The following ANK2 variants were observed in gnomAD, a reference collection of about 807,000 sequenced individuals.
The protein encoded by ANK2 is ankyrin 2.
In ANK2, 83 loss-of-function variants were observed where a neutral mutation model predicts 360.5. The observed-to-expected ratio is 0.23, with a 90% CI of 0.19 to 0.28. The LOEUF is 0.28. Ranked by LOEUF, ANK2 falls within the 10% of genes least tolerant of loss-of-function variation. The pLI, the probability that ANK2 is intolerant of heterozygous loss-of-function variation, is 1.00. For missense variants in ANK2, 4,201 were observed against 4,795.7 expected, an observed-to-expected ratio of 0.88 and a Z score of 3.66; for synonymous variants, 1,740 against 1,759.5, an observed-to-expected ratio of 0.99 and a Z score of 0.28.
chr4:113,007,253 T>A (rs2154290299), intron 2 of ANK2, among the ~76,000 whole-genome samples: 1 of 152,332 alleles, frequency 6.6e-6, no homozygotes, highest in Non-Finnish European at 1.5e-5. Context: ...ACCTTCATCT[T>A]GTCCTCTGGG....
chr4:112,988,708 T>C (rs1461529613), intron 2 of ANK2, among the ~76,000 whole-genome samples: 5 of 152,226 alleles, frequency 3.3e-5, no homozygotes, highest in Admixed American at 3.3e-4. Context: ...CTTATAACCT[T>C]CTTTTACTTA....
At chr4:112,845,396 G>A (rs1375725449) in intron 1 of ANK2, among the ~76,000 whole-genome samples, 1 of 151,908 alleles carries the variant, frequency 6.6e-6, no homozygotes, top group East Asian at 1.9e-4. Flanking sequence ...AAACAACAGG[G>A]ACAAAGTTAG....
At chr4:113,197,474 G>C (rs149036798) in intron 3 of ANK2, among the ~76,000 whole-genome samples, 68 of 152,330 alleles carry the variant, frequency 4.5e-4, no homozygotes, top group Admixed American at 2.1e-3. Context: ...TCAGAGCCAA[G>C]TCTGCTGACC....
chr4:112,950,965 C>A (rs933006990), intron 2 of ANK2, among the ~76,000 whole-genome samples: 3 of 149,734 alleles, frequency 2.0e-5, no homozygotes, highest in Non-Finnish European at 4.5e-5. Flanking sequence ...GCCTGTAGTC[C>A]CAGCTACTTG....
intron 1 of ANK2, chr4:113,145,898 C>T: frequency 7.8e-7 from 1 of 1,289,780 alleles, no homozygotes; most frequent in Non-Finnish European, 1.0e-6. Context: ...GCTCTTCTTG[C>T]CATGCGGATA....
intron 1 of ANK2, among the ~76,000 whole-genome samples, chr4:113,050,557 A>G (rs978491483): frequency 2.0e-5 from 3 of 152,154 alleles, no homozygotes; most frequent in Admixed American, 1.3e-4. Flanking sequence ...GCCCCACCCA[A>G]TGCCAGCACT....
At chr4:113,323,388 G>C (rs1462823855) in intron 26 of ANK2, among the ~76,000 whole-genome samples, 1 of 152,060 alleles carries the variant, frequency 6.6e-6, no homozygotes, top group Non-Finnish European at 1.5e-5. Context: ...AGTATTAAAT[G>C]TATAAAACAA....
At chr4:112,876,073 T>TC (rs1037000619) in intron 1 of ANK2, among the ~76,000 whole-genome samples, 3 of 152,100 alleles carry the variant, frequency 2.0e-5, no homozygotes, top group African/African-American at 7.2e-5. Context: ...ATTTTTTTTT[T>TC]CAATAGAACA....
rs918555818 is a variant in ANK2 at position 113,250,759 on chromosome 4, C to T, written c.990+897C>T. 1.5e-5 allele frequency among the ~76,000 whole-genome samples: 2 copies of T among 134,620 alleles called. 1 individual carries two copies. The highest frequency in any genetic ancestry group is 1.5e-4 in the Admixed American group (2 of 13,444). The allele number at this position is 134,620 out of a possible 152,430, so 88.3% of individuals were successfully genotyped here. A position where few individuals can be genotyped will look rare whatever the true frequency, so the allele number is the denominator to read the frequency against. ...TCCATTCCACCTCATACCACCGCCCCCCCCCCCGACAGAGTTGGTATCAAC... is the reference window on the plus strand; with the variant it reads ...TCCATTCCACCTCATACCACCGCCCTCCCCCCCGACAGAGTTGGTATCAAC... On this transcript the variant is annotated intron_variant, in intron 10 of 45. Coordinates refer to ENST00000357077, the MANE Select transcript of ANK2 (RefSeq NM_001148.6).
intron 27 of ANK2, among the ~76,000 whole-genome samples, chr4:113,331,700 AT>A (rs1027507108): frequency 3.9e-5 from 6 of 152,114 alleles, no homozygotes; most frequent in African/African-American, 9.6e-5. Flanking sequence ...CTTGTGGAGC[AT>A]TTTTTCCCCC....
At chr4:112,818,130 A>G (rs539269386) in exon 1 of ANK2, 5 of 152,232 alleles carry the variant, frequency 3.3e-5, no homozygotes, top group African/African-American at 1.2e-4. Flanking sequence ...CTGTAATGGG[A>G]AAGTCGGTTC....
the ANK2 span, among the ~76,000 whole-genome samples, chr4:112,736,000 A>G: frequency 6.6e-6 from 1 of 152,140 alleles, no homozygotes; most frequent in African/African-American, 2.4e-5. Context: ...GGTAGACTAT[A>G]ATTTACATAG....
chr4:113,238,498 C>A (rs199575991), intron 7 of ANK2, among the ~76,000 whole-genome samples: 79 of 152,250 alleles, frequency 5.2e-4, no homozygotes, highest in Non-Finnish European at 8.4e-4. Context: ...TTGCATGGAA[C>A]CTAGGTCAGA....
At chr4:112,754,890 A>T in the ANK2 span, among the ~76,000 whole-genome samples, 1 of 152,162 alleles carries the variant, frequency 6.6e-6, no homozygotes, top group Non-Finnish European at 1.5e-5. Context: ...GGTCACCCCT[A>T]GAAATAGAGA....
At chr4:113,166,444 T>C (rs1396497898) in intron 1 of ANK2, among the ~76,000 whole-genome samples, 1 of 152,036 alleles carries the variant, frequency 6.6e-6, no homozygotes, top group Non-Finnish European at 1.5e-5. Context: ...TATGTATATA[T>C]GTATATATAT....
At chr4:113,098,682 TATG>T (rs2092178220) in intron 1 of ANK2, among the ~76,000 whole-genome samples, 1 of 152,022 alleles carries the variant, frequency 6.6e-6, no homozygotes, top group Non-Finnish European at 1.5e-5. Flanking sequence ...TAGTTAATCC[TATG>T]AGGCTGGTAT....
At chr4:113,250,449 C>T (rs29436) in intron 10 of ANK2, among the ~76,000 whole-genome samples, 102,904 of 151,998 alleles carry the variant, frequency 0.68, 35,328 homozygotes, top group South Asian at 0.77. Context: ...TTTTTCCTCC[C>T]GTTTTATCAA....
chr4:113,045,901 A>G (rs1387488945), upstream of ANK2, among the ~76,000 whole-genome samples: 2 of 152,228 alleles, frequency 1.3e-5, no homozygotes, highest in African/African-American at 4.8e-5. Flanking sequence ...ACTCATAGTA[A>G]GTACTGAAAA....
Position 113,063,569 on chromosome 4 carries a change from T to TA in ANK2, c.84+13758dup, listed in dbSNP as rs762307634. On this transcript the variant is annotated intron_variant, in intron 1 of 45. Coordinates refer to ENST00000357077, the MANE Select transcript of ANK2 (RefSeq NM_001148.6). Reference sequence around the variant, plus strand: ...GACCAAATAAGCTTATAAATAGTAATACACATGCATGATAATAGTAACAGA... The same window carrying TA: ...GACCAAATAAGCTTATAAATAGTAATAACACATGCATGATAATAGTAACAGA... 3.3e-5 allele frequency among the ~76,000 whole-genome samples: 5 copies of TA among 152,254 alleles called. No homozygotes were observed. In the East Asian group the frequency reaches 7.7e-4, roughly 23 times the overall value.
Sources: gnomAD v4.1 joint callset for allele counts (sites outside exome capture counted in the v4.1 genomes callset) on GRCh38, gnomAD v4.1.1 for gene constraint, MANE v1.5 for transcripts, NCBI Gene and HGNC (gene_info 2026-07-23, HGNC 2026-07-21) for gene names.